The following GLDN variants were observed in gnomAD, a reference collection of about 807,000 sequenced individuals.
The protein encoded by GLDN is gliomedin.
GLDN carries 47 observed loss-of-function variants against 56.5 expected under a neutral mutation model. The observed-to-expected ratio is 0.83, with a 90% CI of 0.66 to 1.06. The LOEUF is 1.06. Ranked by LOEUF, GLDN falls within the 50% of genes least tolerant of loss-of-function variation. The probability of loss-of-function intolerance (pLI) is 0.00; values close to 1 mark genes in which losing one functional copy is unlikely to be tolerated. For synonymous variants in GLDN, 332 were observed against 278.8 expected, an observed-to-expected ratio of 1.19 and a Z score of -1.90; for missense variants, 782 against 714.3, an observed-to-expected ratio of 1.09 and a Z score of -1.08.
chr15:51,377,155 T>G (rs759960908), intron 1 of GLDN: 96 of 449,058 alleles, frequency 2.1e-4, no homozygotes, highest in Non-Finnish European at 3.4e-4. Context: ...GTAGGTTTGT[T>G]TATACCAGCA....
intron 2 of GLDN, among the ~76,000 whole-genome samples, chr15:51,378,134 T>C (rs1490963443): frequency 2.6e-5 from 4 of 152,142 alleles, no homozygotes; most frequent in Non-Finnish European, 5.9e-5. Flanking sequence ...AGGAGTGCAA[T>C]GTGAGTTTGC....
intron 1 of GLDN, 70 bp from the exon 2 acceptor site, chr15:51,377,379 C>A: frequency 1.3e-5 from 17 of 1,295,752 alleles, no homozygotes; most frequent in Non-Finnish European, 1.9e-5. Context: ...GCTTTCTGCT[C>A]GTCTGAATAA....
chr15:51,387,755 C>A (rs538920024), intron 4 of GLDN, among the ~76,000 whole-genome samples: 1 of 152,230 alleles, frequency 6.6e-6, no homozygotes, highest in Non-Finnish European at 1.5e-5. Flanking sequence ...AGGAAAAAAG[C>A]CTGTGTTCTA....
Position 51,359,908 on chromosome 15 carries a change from G to A in GLDN, c.364-17541G>A, listed in dbSNP as rs2037258137. Among the ~76,000 whole-genome samples, 2 of 150,320 alleles carry A rather than the reference G, an allele frequency of 1.3e-5. 1 individual carries two copies. Among genetic ancestry groups the A allele is most frequent in the South Asian group, 4.2e-4 (2 of 4,772 alleles). ...GCAGGAGAATGATGTGAACCCGGGA[G>A]GCGGAGCTTGCAGTGAGCCTAGATT... On this transcript the variant is annotated intron_variant, in intron 1 of 9. Transcript: ENST00000335449.
At chr15:51,357,576 G>C (rs767133615) in intron 1 of GLDN, among the ~76,000 whole-genome samples, 1 of 152,126 alleles carries the variant, frequency 6.6e-6, no homozygotes, top group South Asian at 2.1e-4. Flanking sequence ...AGCCCTCTGC[G>C]CTGGGAGCAT....
At chr15:51,401,427 A>G (rs1387496296) in intron 8 of GLDN, among the ~76,000 whole-genome samples, 166 bp from the exon 9 acceptor site, 1 of 152,140 alleles carries the variant, frequency 6.6e-6, no homozygotes, top group Non-Finnish European at 1.5e-5. Flanking sequence ...CCATATGGAG[A>G]ATTGGACTTT....
intron 4 of GLDN, chr15:51,384,221 C>T (rs559217900): frequency 2.1e-3 from 708 of 341,444 alleles, no homozygotes; most frequent in South Asian, 3.2e-3. Flanking sequence ...GGTGCTGGTG[C>T]ATGCTCTTTC....
intron 1 of GLDN, among the ~76,000 whole-genome samples, chr15:51,352,372 C>A (rs1291332749): frequency 6.6e-6 from 1 of 152,154 alleles, no homozygotes; most frequent in Non-Finnish European, 1.5e-5. Context: ...AATATCATCA[C>A]ATTGATGATT....
intron 1 of GLDN, among the ~76,000 whole-genome samples, chr15:51,355,788 G>T (rs1364673418): frequency 6.6e-6 from 1 of 150,390 alleles, no homozygotes; most frequent in Admixed American, 6.6e-5. Context: ...CTCCCAAAGT[G>T]CTGGGATTAC....
chr15:51,396,852 A>G (rs867234300), intron 5 of GLDN, among the ~76,000 whole-genome samples: 2 of 152,230 alleles, frequency 1.3e-5, no homozygotes, highest in Non-Finnish European at 2.9e-5. Context: ...TTGTTTCATT[A>G]ACAGCAGATG....
At chr15:51,408,426 T>A (rs1174358295), downstream of GLDN, among the ~76,000 whole-genome samples, 1 of 152,262 alleles carries the variant, frequency 6.6e-6, no homozygotes, top group African/African-American at 2.4e-5. Flanking sequence ...TAGTATTTAC[T>A]TCCTTTGGTT....
At chr15:51,379,696 T>C (rs1349746311) in intron 2 of GLDN, among the ~76,000 whole-genome samples, 1 of 152,168 alleles carries the variant, frequency 6.6e-6, no homozygotes, top group African/African-American at 2.4e-5. Context: ...GGAAAAAATA[T>C]CTAAGTGGCT....
intron 1 of GLDN, among the ~76,000 whole-genome samples, chr15:51,354,681 T>C (rs1203538157): frequency 6.6e-6 from 1 of 152,010 alleles, no homozygotes; most frequent in Non-Finnish European, 1.5e-5. Flanking sequence ...ACTGGAGAGT[T>C]TGGAGTAGGG....
At chr15:51,381,320 G>A (rs886082377) in intron 2 of GLDN, among the ~76,000 whole-genome samples, 3 of 152,102 alleles carry the variant, frequency 2.0e-5, no homozygotes, top group South Asian at 4.1e-4. Flanking sequence ...CTCTATATCC[G>A]AATTTGGCTC....
chr15:51,370,635 T>TAAA (rs61086666), intron 1 of GLDN, among the ~76,000 whole-genome samples: 2 of 147,192 alleles, frequency 1.4e-5, no homozygotes, highest in Non-Finnish European at 3.0e-5. Context: ...CACAGAAAAG[T>TAAA]AAAAAAAAAA....
At chr15:51,342,082 C>T (rs1043544655) in intron 1 of GLDN, 35 bp downstream of exon 1, 2 of 1,588,006 alleles carry the variant, frequency 1.3e-6, no homozygotes, top group African/African-American at 2.7e-5. Flanking sequence ...GGCGCCCCGG[C>T]CAGGTGGGCG....
At chr15:51,400,077 G>T (rs1456290699) in intron 6 of GLDN, 115 bp from the exon 7 acceptor site, 5 of 841,988 alleles carry the variant, frequency 5.9e-6, no homozygotes. Flanking sequence ...CTATTGCAAG[G>T]GATGTTTATG....
At chr15:51,355,679 A>G (rs1259922218) in intron 1 of GLDN, among the ~76,000 whole-genome samples, 22 of 150,414 alleles carry the variant, frequency 1.5e-4, no homozygotes, top group African/African-American at 4.9e-4. Flanking sequence ...ACGCACCAAC[A>G]CACCCGGCTA....
chr15:51,400,854 CT>C (rs2038234164), intron 8 of GLDN, among the ~76,000 whole-genome samples: 1 of 152,220 alleles, frequency 6.6e-6, no homozygotes, highest in African/African-American at 2.4e-5. Context: ...CACCATCCAT[CT>C]TTCTCTAAGG....
Sources: allele counts gnomAD v4.1 joint callset (sites outside exome capture counted in the v4.1 genomes callset), GRCh38; gene constraint gnomAD v4.1.1; transcripts MANE v1.5; gene names NCBI Gene and HGNC (gene_info 2026-07-23, HGNC 2026-07-21).